Variants in MARCHF1 observed in about 807,000 individuals in gnomAD.
MARCHF1 encodes the protein E3 ubiquitin-protein ligase MARCHF1.
In MARCHF1, 40 loss-of-function variants were observed where a neutral mutation model predicts 54.2. The ratio of observed to expected loss-of-function variants is 0.74; its 90% CI spans 0.57 to 0.96. The LOEUF is 0.96. Among genes scored for constraint, MARCHF1 ranks in the 40% least tolerant of loss-of-function variants. MARCHF1 has a pLI of 0.00. For synonymous variants in MARCHF1, 236 were observed against 236.3 expected (o/e 1.00, Z 0.01); for missense variants, 586 against 656.5 (o/e 0.89, Z 1.17).
chr4:164,037,425 T>G lies in MARCHF1; in HGVS notation c.-247-48716A>C, dbSNP rs191241499. 4.6e-5 allele frequency among the ~76,000 whole-genome samples: 7 copies of G among 152,306 alleles called. 1 individual carries two copies. The highest frequency in any genetic ancestry group is 3.3e-4 in the Admixed American group (5 of 15,290). On this transcript the variant is annotated intron_variant, in intron 2 of 9. Transcript: ENST00000514618. ...TTACAAAAATGAAAAAGTGAACTGA[T>G]AAGCAATATATTTTAGTCACCTTCC...
Position 164,190,184 on chromosome 4 carries a change from G to A in MARCHF1, c.-322-78522C>T, listed in dbSNP as rs1242469901. ...AAGCTGTAGAAGAAAAGATTGAATG[G>A]CTGGAAAGCCACCAAGCTGCTGACA... On this transcript the variant is annotated intron_variant, in intron 1 of 9. Coordinates refer to ENST00000514618, the MANE Select transcript of MARCHF1 (RefSeq NM_001394959.1). 5 of 1,571,794 alleles carry A rather than the reference G, an allele frequency of 3.2e-6. No homozygotes were observed. The South Asian group carries it at 5.9e-5, about 19-fold the overall frequency.
chr4:163,919,378 AG>A (rs1408270788), intron 3 of MARCHF1, among the ~76,000 whole-genome samples: 2 of 152,046 alleles, frequency 1.3e-5, no homozygotes, highest in African/African-American at 4.8e-5. Context: ...TGAAAAGGGA[AG>A]TAAAAATGGA....
intron 3 of MARCHF1, among the ~76,000 whole-genome samples, chr4:163,880,358 G>A (rs140379149): frequency 0.019 from 2,888 of 150,748 alleles, 35 homozygotes; most frequent in Non-Finnish European, 0.024. Context: ...TGATATTCAA[G>A]TATAATTTAT....
At chr4:163,620,602 CACACAGAGAGAGAGAGAGAGAG>C (rs1234435928) in intron 5 of MARCHF1, among the ~76,000 whole-genome samples, 86 of 97,910 alleles carry the variant, frequency 8.8e-4, no homozygotes, top group Non-Finnish European at 1.3e-3. Context: ...CACACACACA[CACACAGAGAGAGAGAGAGAGAG>C]AGAGAGAGAG....
At chr4:164,127,822 A>G (rs1178121663) in intron 1 of MARCHF1, among the ~76,000 whole-genome samples, 3 of 152,182 alleles carry the variant, frequency 2.0e-5, no homozygotes, top group East Asian at 1.9e-4. Flanking sequence ...CCAACATGCT[A>G]AAGTATTTTC....
intron 4 of MARCHF1, among the ~76,000 whole-genome samples, chr4:163,726,426 A>G (rs1052707346): frequency 6.6e-6 from 1 of 152,240 alleles, no homozygotes; most frequent in Non-Finnish European, 1.5e-5. Context: ...ACTTTTCTAC[A>G]TGTCTTTTCA....
At chr4:164,259,566 GAAAAAA>G (rs1733401808) in intron 1 of MARCHF1, among the ~76,000 whole-genome samples, 1 of 103,066 alleles carries the variant, frequency 9.7e-6, no homozygotes, top group African/African-American at 3.7e-5. Context: ...AAAAAAAAAA[GAAAAAA>G]GAAAAAGAAA....
At chr4:164,309,587 G>T (rs868302971) in intron 1 of MARCHF1, among the ~76,000 whole-genome samples, 3 of 152,170 alleles carry the variant, frequency 2.0e-5, no homozygotes, top group South Asian at 2.1e-4. Flanking sequence ...ACTGAAAGAT[G>T]ACTTCTACCT....
intron 1 of MARCHF1, among the ~76,000 whole-genome samples, chr4:164,139,359 A>G (rs1437290649): frequency 6.6e-6 from 1 of 152,202 alleles, no homozygotes; most frequent in Non-Finnish European, 1.5e-5. Context: ...TGAAAATCTC[A>G]TATTCATTAA....
chr4:163,677,184 A>G (rs1001530598), intron 5 of MARCHF1, among the ~76,000 whole-genome samples: 3 of 152,210 alleles, frequency 2.0e-5, no homozygotes, highest in African/African-American at 7.2e-5. Context: ...GACAAAAAAT[A>G]AGCAATTTAT....
chr4:163,870,391 CG>C lies in MARCHF1; in HGVS notation c.-38-16223del, dbSNP rs1750144294. Among the ~76,000 whole-genome samples, 3 of 152,008 alleles carry C rather than the reference CG, an allele frequency of 2.0e-5. No homozygotes were observed. In the South Asian group the frequency reaches 6.2e-4, roughly 32 times the overall value. On this transcript the variant is annotated intron_variant, in intron 3 of 9. Transcript: ENST00000514618. ...TACATTTAAGATATGGACAAATAAGCGGAAATATATAGCATTTCTGCAGAAT... is the reference window on the plus strand; with the variant it reads ...TACATTTAAGATATGGACAAATAAGCGAAATATATAGCATTTCTGCAGAAT...
chr4:163,926,749 T>C (rs1273943751), intron 3 of MARCHF1, among the ~76,000 whole-genome samples: 1 of 151,652 alleles, frequency 6.6e-6, no homozygotes, highest in Non-Finnish European at 1.5e-5. Flanking sequence ...ATTTATATTT[T>C]AAAGAGTTTT....
intron 1 of MARCHF1, among the ~76,000 whole-genome samples, chr4:164,204,692 G>C (rs968758436): frequency 6.6e-6 from 1 of 152,176 alleles, no homozygotes; most frequent in African/African-American, 2.4e-5. Context: ...GCATCAGGAA[G>C]CTGGTAATGG....
chr4:164,221,812 T>C (rs1732121240), intron 1 of MARCHF1, among the ~76,000 whole-genome samples: 1 of 152,034 alleles, frequency 6.6e-6, no homozygotes, highest in Non-Finnish European at 1.5e-5. Context: ...GCCAGCTGAC[T>C]GGTTACATTC....
At chr4:164,373,054 A>G (rs1226206275) in intron 1 of MARCHF1, among the ~76,000 whole-genome samples, 1 of 152,162 alleles carries the variant, frequency 6.6e-6, no homozygotes, top group Non-Finnish European at 1.5e-5. Context: ...AAGAATATTT[A>G]TATTTGCTTT....
intron 3 of MARCHF1, among the ~76,000 whole-genome samples, chr4:163,987,194 G>T (rs977671900): frequency 1.3e-5 from 2 of 152,184 alleles, no homozygotes; most frequent in Non-Finnish European, 2.9e-5. Context: ...TAGAGAATGT[G>T]CCTGAGCATT....
Position 163,547,082 on chromosome 4 carries a change from C to G in MARCHF1, c.1192-1339G>C, listed in dbSNP as rs1738936737. ...TTCAGAAGACCCCATTCCTTCCCCACCTGACCATCCCACATGTGGATTTCA... is the reference window on the plus strand; with the variant it reads ...TTCAGAAGACCCCATTCCTTCCCCAGCTGACCATCCCACATGTGGATTTCA... On this transcript the variant is annotated intron_variant, in intron 8 of 9. Coordinates refer to ENST00000514618, the MANE Select transcript of MARCHF1 (RefSeq NM_001394959.1). Among the ~76,000 whole-genome samples, 3 of 152,318 alleles carry G rather than the reference C, an allele frequency of 2.0e-5. No individual in the cohort carries two copies. The South Asian group carries it at 6.2e-4, about 32-fold the overall frequency.
chr4:163,534,954 C>G (rs1175735599), intron 9 of MARCHF1, among the ~76,000 whole-genome samples: 1 of 151,952 alleles, frequency 6.6e-6, no homozygotes, highest in Non-Finnish European at 1.5e-5. Context: ...TAATTACATA[C>G]AATTATGAGA....
chr4:163,742,701 C>G (rs1338479867), intron 4 of MARCHF1, among the ~76,000 whole-genome samples: 4 of 151,934 alleles, frequency 2.6e-5, no homozygotes, highest in African/African-American at 9.7e-5. Context: ...TAGTCTCGAA[C>G]TCCTAGGCTG....
Sources: allele counts gnomAD v4.1 joint callset (sites outside exome capture counted in the v4.1 genomes callset), GRCh38; gene constraint gnomAD v4.1.1; transcripts MANE v1.5; gene names NCBI Gene and HGNC (gene_info 2026-07-23, HGNC 2026-07-21).